Variants in NBEAL1 observed in about 807,000 individuals in gnomAD.
The protein encoded by NBEAL1 is neurobeachin like 1.
Under a neutral mutation model 351.3 loss-of-function variants are expected in NBEAL1, and 273 were observed. That is an observed-to-expected ratio of 0.78 (90% CI 0.70 to 0.86). The LOEUF is 0.86. Ranked by LOEUF, NBEAL1 falls within the 40% of genes least tolerant of loss-of-function variation. The pLI is 0.00. For missense variants in NBEAL1, 2,961 were observed against 3,201.3 expected, an observed-to-expected ratio of 0.92 and a Z score of 1.81; for synonymous variants, 1,050 against 1,086.4, an observed-to-expected ratio of 0.97 and a Z score of 0.66.
At chr2:203,176,582 A>T (rs895607390) in intron 42 of NBEAL1, among the ~76,000 whole-genome samples, 4 of 151,950 alleles carry the variant, frequency 2.6e-5, no homozygotes, top group Non-Finnish European at 5.9e-5. Flanking sequence ...ATACAAAAAA[A>T]TTAGCCAGGC....
At chr2:203,153,477 G>T (rs1332602747) in intron 35 of NBEAL1, among the ~76,000 whole-genome samples, 1 of 151,862 alleles carries the variant, frequency 6.6e-6, no homozygotes, top group South Asian at 2.1e-4. Context: ...CTAACATATG[G>T]CCAAAACATT....
rs1418580923 is a variant in NBEAL1 at position 203,164,652 on chromosome 2, A to G, written c.5715-1497A>G. Among the ~76,000 whole-genome samples the G allele has an allele frequency of 2.0e-5, 3 of 152,306 alleles. No individual in the cohort carries two copies. The East Asian group carries it at 5.8e-4, about 29-fold the overall frequency. ...CCAGTAATTATTTTTTAAAAAAAGAAAAGCTTAGTTTTAAATAAATGATTG... is the reference window on the plus strand; with the variant it reads ...CCAGTAATTATTTTTTAAAAAAAGAGAAGCTTAGTTTTAAATAAATGATTG... On this transcript the variant is annotated intron_variant, in intron 36 of 55. Transcript: ENST00000683969.
At chr2:203,208,602 C>T (rs746617824) in intron 51 of NBEAL1, 35 bp from the exon 52 acceptor site, 6 of 1,474,048 alleles carry the variant, frequency 4.1e-6, no homozygotes, top group Admixed American at 1.9e-5. Flanking sequence ...AAACAAGAAA[C>T]CACCTTTACC....
intron 2 of NBEAL1, among the ~76,000 whole-genome samples, chr2:203,032,915 T>A (rs2060974653): frequency 6.6e-6 from 1 of 151,748 alleles, no homozygotes; most frequent in Non-Finnish European, 1.5e-5. Context: ...TCCACCTACC[T>A]TGGCCTCCCA....
At chr2:203,164,116 T>C (rs2064055019) in intron 36 of NBEAL1, among the ~76,000 whole-genome samples, 1 of 151,974 alleles carries the variant, frequency 6.6e-6, no homozygotes. Context: ...TTATACCTAT[T>C]ATATTAATAC....
intron 6 of NBEAL1, among the ~76,000 whole-genome samples, chr2:203,065,754 A>G (rs953348020): frequency 6.8e-6 from 1 of 147,556 alleles, no homozygotes; most frequent in Non-Finnish European, 1.5e-5. Flanking sequence ...TCTGTCTCAG[A>G]AAAAAAAAAA....
intron 2 of NBEAL1, among the ~76,000 whole-genome samples, chr2:203,033,135 G>C (rs2060978485): frequency 6.6e-6 from 1 of 151,944 alleles, no homozygotes; most frequent in Non-Finnish European, 1.5e-5. Context: ...CGAGTAGCTG[G>C]GACTACAGGT....
chr2:203,198,307 C>T lies in NBEAL1; in HGVS notation c.7128+916C>T, dbSNP rs574209853. On this transcript the variant is annotated intron_variant, in intron 48 of 55. Coordinates refer to ENST00000683969, the MANE Select transcript of NBEAL1 (RefSeq NM_001378026.1). ...GCGTTTTTTAAAGTTACCAGAATTT[C>T]GTTTGTCGGGGGTTGCTTGTTAACT... 2.6e-5 allele frequency among the ~76,000 whole-genome samples: 4 copies of T among 152,012 alleles called. No homozygotes were observed. The South Asian group carries it at 8.3e-4, about 32-fold the overall frequency.
At chr2:203,154,214 C>T (rs1490921239) in intron 35 of NBEAL1, among the ~76,000 whole-genome samples, 4 of 141,486 alleles carry the variant, frequency 2.8e-5, no homozygotes, top group South Asian at 2.2e-4. Flanking sequence ...CCAGCCTGGG[C>T]GACAGAGCCA....
In NBEAL1 at chr2:203,062,351, C is replaced by T. The variant is rs753731485; in HGVS notation, c.515+4898C>T. The T allele has an allele frequency of 1.6e-5, 8 of 490,644 alleles. No homozygotes were observed. Among genetic ancestry groups the T allele is most frequent in the Non-Finnish European group, 3.3e-5 (8 of 244,090 alleles). 30.4% of individuals were successfully genotyped at this position (490,644 alleles called of 1,614,324 possible). A position where few individuals can be genotyped will look rare whatever the true frequency, so the allele number is the denominator to read the frequency against. On this transcript the variant is annotated intron_variant, in intron 6 of 55. Transcript: ENST00000683969. The surrounding 1 kb of genome is among the most constrained non-coding windows in gnomAD (Gnocchi z 4.2). The stretch of plus-strand genomic sequence containing the variant: ...CTTCTGGGAAAAATCCAGCAACGCC[C>T]ACTCCTGAGGGGTGAAGGTTACAGC...
intron 2 of NBEAL1, among the ~76,000 whole-genome samples, chr2:203,019,154 C>A (rs1450131264): frequency 6.6e-6 from 1 of 152,074 alleles, no homozygotes; most frequent in African/African-American, 2.4e-5. Flanking sequence ...TTGTTCCTCT[C>A]TTCTGGTATC....
At chr2:203,213,494 C>G (rs772495958) in intron 54 of NBEAL1, 24 bp from the exon 55 acceptor site, 84 of 1,587,374 alleles carry the variant, frequency 5.3e-5, no homozygotes, top group Non-Finnish European at 6.9e-5. Flanking sequence ...GTAATTATGT[C>G]TGTATTTTTT....
At chr2:203,174,262 G>GT (rs1260789026) in intron 41 of NBEAL1, among the ~76,000 whole-genome samples, 1 of 109,628 alleles carries the variant, frequency 9.1e-6, no homozygotes, top group Non-Finnish European at 1.8e-5. Context: ...AACAATCTAA[G>GT]TGTCTAAAAA....
At chr2:203,146,108 C>T (rs928553010) in intron 33 of NBEAL1, among the ~76,000 whole-genome samples, 1 of 151,860 alleles carries the variant, frequency 6.6e-6, no homozygotes, top group Non-Finnish European at 1.5e-5. Flanking sequence ...GGGACTACTA[C>T]AAACCACTCT....
intron 29 of NBEAL1, 72 bp downstream of exon 29, chr2:203,136,846 G>A: frequency 7.8e-7 from 1 of 1,283,806 alleles, no homozygotes; most frequent in Non-Finnish European, 1.1e-6. Context: ...GTTAGTTATT[G>A]AACATTTATT....
At chr2:203,040,495 ATGC>A in intron 2 of NBEAL1, 1 of 683,214 alleles carries the variant, frequency 1.5e-6, no homozygotes, top group Non-Finnish European at 2.7e-6. Context: ...GAACCTAAAA[ATGC>A]TGCTTATAGT....
chr2:203,053,822 T>C (rs532615365), intron 4 of NBEAL1, among the ~76,000 whole-genome samples: 1 of 152,244 alleles, frequency 6.6e-6, no homozygotes, highest in Admixed American at 6.5e-5. Flanking sequence ...CTGGCAGGTA[T>C]CTGGTCTGCA....
intron 18 of NBEAL1, among the ~76,000 whole-genome samples, chr2:203,118,965 ATTTT>A (rs34515211): frequency 6.8e-6 from 1 of 147,322 alleles, no homozygotes; most frequent in Non-Finnish European, 1.5e-5. Context: ...TTAAAGTTGG[ATTTT>A]TTTTTTTTTT....
intron 51 of NBEAL1, among the ~76,000 whole-genome samples, chr2:203,203,514 C>T (rs964030796): frequency 2.6e-5 from 4 of 151,810 alleles, no homozygotes; most frequent in African/African-American, 9.7e-5. Context: ...AGGCTTTCTC[C>T]CACTCCAAAT....
Sources: gnomAD v4.1 joint callset for allele counts (sites outside exome capture counted in the v4.1 genomes callset) on GRCh38, gnomAD v4.1.1 for gene constraint, Gnocchi (gnomAD v3.1) non-coding constraint, MANE v1.5 for transcripts, NCBI Gene and HGNC (gene_info 2026-07-23, HGNC 2026-07-21) for gene names.